The following EPHA5 variants were observed in gnomAD, a reference collection of about 807,000 sequenced individuals.
EPHA5 encodes EPH receptor A5, also known as ephrin type-A receptor 5.
EPHA5 carries 60 observed loss-of-function variants against 105.0 expected under a neutral mutation model. The observed-to-expected ratio is 0.57, with a 90% CI of 0.46 to 0.71. EPHA5 has a LOEUF of 0.71. Among genes scored for constraint, EPHA5 ranks in the 30% least tolerant of loss-of-function variants. EPHA5 has a pLI of 0.00. For synonymous variants in EPHA5, 513 were observed against 449.1 expected (o/e 1.14, Z -1.80); for missense variants, 1,218 against 1,274.7 (o/e 0.96, Z 0.68).
chr4:65,355,658 C>A lies in EPHA5; in HGVS notation c.2174-2555G>T, dbSNP rs998510638. On this transcript the variant is annotated intron_variant, in intron 11 of 16. Transcript: ENST00000613740. ...GGGTATCTATATGTCAGAATTTATA[C>A]CAGCGATAATGCTGAGGTATCCTGG... is the stretch of plus-strand genomic sequence containing the variant. Among the ~76,000 whole-genome samples, 16 of 151,626 alleles carry A rather than the reference C, an allele frequency of 1.1e-4. No homozygotes were observed. The Admixed American group carries it at 1.1e-3, about 10-fold the overall frequency.
intron 14 of EPHA5, among the ~76,000 whole-genome samples, chr4:65,343,141 T>G (rs906298186): frequency 6.6e-6 from 1 of 152,108 alleles, no homozygotes; most frequent in African/African-American, 2.4e-5. Context: ...AAAATAAAAA[T>G]ACAACAAAAT....
intron 5 of EPHA5, among the ~76,000 whole-genome samples, chr4:65,456,557 A>G (rs949575232): frequency 6.6e-6 from 1 of 152,168 alleles, no homozygotes; most frequent in Non-Finnish European, 1.5e-5. Flanking sequence ...TGCTTAATTT[A>G]TGATAGGAGT....
chr4:65,434,763 T>G lies in EPHA5; in HGVS notation c.1403-14198A>C, dbSNP rs150289638. Among the ~76,000 whole-genome samples the G allele has an allele frequency of 4.0e-3, 609 of 152,276 alleles. 4 individuals carry two copies. Among genetic ancestry groups the G allele is most frequent in the African/African-American group, 0.014 (575 of 41,560 alleles). On this transcript the variant is annotated intron_variant, in intron 5 of 16. Coordinates refer to ENST00000613740, the MANE Select transcript of EPHA5 (RefSeq NM_001281766.3). Reference sequence around the variant, plus strand: ...AGAAAATTCCCTCTTGAATCAAGATTGCTGCTTCACATAATGTTGTAGGCC... The same window carrying G: ...AGAAAATTCCCTCTTGAATCAAGATGGCTGCTTCACATAATGTTGTAGGCC...
chr4:65,363,109 G>T (rs994813856), intron 11 of EPHA5, among the ~76,000 whole-genome samples: 2 of 151,628 alleles, frequency 1.3e-5, no homozygotes, highest in Non-Finnish European at 3.0e-5. Flanking sequence ...TTCAGAGAAA[G>T]AGGCAATGAA....
chr4:65,440,872 C>T (rs2149085280), intron 5 of EPHA5, among the ~76,000 whole-genome samples: 1 of 152,116 alleles, frequency 6.6e-6, no homozygotes, highest in East Asian at 1.9e-4. Context: ...GGAAGAAGAG[C>T]AAAGAAATTG....
At chr4:65,351,335 TA>T (rs1312749714) in intron 13 of EPHA5, 53 bp downstream of exon 13, 92 of 1,490,320 alleles carry the variant, frequency 6.2e-5, no homozygotes, top group Non-Finnish European at 8.2e-5. Context: ...TCAGAATCTT[TA>T]AAAATAAATG....
At chr4:65,467,053 A>T (rs1277372091) in intron 5 of EPHA5, among the ~76,000 whole-genome samples, 1 of 152,198 alleles carries the variant, frequency 6.6e-6, no homozygotes, top group Non-Finnish European at 1.5e-5. Context: ...GTGGTTATTT[A>T]AAAATACACA....
At chr4:65,458,380 T>A (rs1447463544) in intron 5 of EPHA5, among the ~76,000 whole-genome samples, 1 of 152,156 alleles carries the variant, frequency 6.6e-6, no homozygotes, top group Non-Finnish European at 1.5e-5. Context: ...CCATTCTAAA[T>A]CTTTTATGCA....
chr4:65,443,452 T>A (rs1726205867), intron 5 of EPHA5, among the ~76,000 whole-genome samples: 1 of 151,764 alleles, frequency 6.6e-6, no homozygotes, highest in Admixed American at 6.6e-5. Flanking sequence ...AAGGAAATAT[T>A]GAGGTAACCC....
chr4:65,539,066 C>A (rs934745590), intron 3 of EPHA5, among the ~76,000 whole-genome samples: 1 of 151,574 alleles, frequency 6.6e-6, no homozygotes, highest in Non-Finnish European at 1.5e-5. Context: ...GCAGCCTGCA[C>A]CCTATCTAAT....
intron 3 of EPHA5, among the ~76,000 whole-genome samples, chr4:65,519,595 T>C (rs1734469796): frequency 1.3e-5 from 2 of 152,178 alleles, no homozygotes; most frequent in Admixed American, 6.6e-5. Flanking sequence ...TTGTCCCTGT[T>C]TGCAGATGAC....
rs529273827 is a variant in EPHA5, at chr4:65,438,524, GA to G, written c.1403-17960del. Reference sequence around the variant, plus strand: ...ACATTTGATTTATAAAATATGAGCAGAAGGCTATAGAGACACAAAGAAGACA... The same window carrying G: ...ACATTTGATTTATAAAATATGAGCAGAGGCTATAGAGACACAAAGAAGACA... On this transcript the variant is annotated intron_variant, in intron 5 of 16. Coordinates refer to ENST00000613740, the MANE Select transcript of EPHA5 (RefSeq NM_001281766.3). Among the ~76,000 whole-genome samples the G allele has an allele frequency of 9.9e-5, 15 of 151,968 alleles. No individual in the cohort carries two copies. The South Asian group carries it at 2.9e-3, about 29-fold the overall frequency.
intron 5 of EPHA5, among the ~76,000 whole-genome samples, chr4:65,457,988 C>T (rs376440460): frequency 1.4e-5 from 2 of 144,548 alleles, no homozygotes; most frequent in African/African-American, 5.1e-5. Context: ...GCAGGAGAAT[C>T]GCTTGAACCC....
chr4:65,431,455 T>C (rs1235011101), intron 5 of EPHA5, among the ~76,000 whole-genome samples: 1 of 152,156 alleles, frequency 6.6e-6, no homozygotes, highest in African/African-American at 2.4e-5. Flanking sequence ...GAAGGACTCA[T>C]ATGTAAGTTT....
At chr4:65,333,725 A>G (rs1720909947) in intron 15 of EPHA5, among the ~76,000 whole-genome samples, 1 of 146,252 alleles carries the variant, frequency 6.8e-6, no homozygotes, top group Non-Finnish European at 1.5e-5. Flanking sequence ...ACTCATTTTC[A>G]TATCTTTAAA....
chr4:65,485,427 T>A (rs1730784941), intron 5 of EPHA5, among the ~76,000 whole-genome samples: 2 of 152,134 alleles, frequency 1.3e-5, no homozygotes, highest in Admixed American at 1.3e-4. Flanking sequence ...TAACCATGTT[T>A]TACAAGAACT....
At chr4:65,656,274 C>A (rs1180439047) in intron 1 of EPHA5, among the ~76,000 whole-genome samples, 2 of 151,256 alleles carry the variant, frequency 1.3e-5, no homozygotes, top group Non-Finnish European at 2.9e-5. Context: ...AACAAAAACA[C>A]CACTGGGGTT....
intron 3 of EPHA5, among the ~76,000 whole-genome samples, chr4:65,499,128 T>C (rs1732237555): frequency 6.6e-6 from 1 of 151,682 alleles, no homozygotes. Flanking sequence ...GATACAGTCA[T>C]TTGTCTTGAG....
intron 1 of EPHA5, among the ~76,000 whole-genome samples, chr4:65,662,487 A>T (rs529184986): frequency 6.6e-6 from 1 of 152,272 alleles, no homozygotes; most frequent in South Asian, 2.1e-4. Context: ...AGACACTTTA[A>T]TCCCAATTAT....
Sources: gnomAD v4.1 joint callset for allele counts (sites outside exome capture counted in the v4.1 genomes callset) on GRCh38, gnomAD v4.1.1 for gene constraint, MANE v1.5 for transcripts, NCBI Gene and HGNC (gene_info 2026-07-23, HGNC 2026-07-21) for gene names.